CPA5: variants seen among roughly 807,000 people sequenced by gnomAD.
CPA5 encodes carboxypeptidase A5.
In CPA5, 38 loss-of-function variants were observed where a neutral mutation model predicts 52.2. That is an observed-to-expected ratio of 0.73 (90% CI 0.56 to 0.95). The LOEUF is 0.95. Among genes scored for constraint, CPA5 ranks in the 40% least tolerant of loss-of-function variants. CPA5 has a pLI of 0.00. For synonymous variants in CPA5, 198 were observed against 213.7 expected (o/e 0.93, Z 0.64); for missense variants, 519 against 566.7 (o/e 0.92, Z 0.86).
At position 130,367,409 on chromosome 7, in the gene CPA5, T is replaced by C. The variant is rs1796154277; in HGVS notation, c.876T>C (p.Tyr292=). 1 of 1,614,138 alleles carries C rather than the reference T, an allele frequency of 6.2e-7. No individual in the cohort carries two copies. Among genetic ancestry groups the C allele is most frequent in the Non-Finnish European group, 8.5e-7 (1 of 1,180,030 alleles). The change falls in exon 11 of 13, where the codon TAT becomes TAC. Residue 292 remains tyrosine, a synonymous_variant. Transcript: ENST00000474905. ...GSNSNPCSET[Y]HGPSPQSEPE... is the part of the protein sequence containing the mutation. Reference sequence around the variant, plus strand: ...ACAGCAACCCCTGCTCAGAAACTTATCACGGGCCCTCCCCTCAGTCGGAGC... The same window carrying C: ...ACAGCAACCCCTGCTCAGAAACTTACCACGGGCCCTCCCCTCAGTCGGAGC...
At position 130,362,973 on chromosome 7, in the gene CPA5, G is replaced by A; in HGVS notation, c.726G>A (p.Gly242=). The A allele has an allele frequency of 6.2e-7, 1 of 1,612,224 alleles. No individual in the cohort carries two copies. The highest frequency in any genetic ancestry group is 8.5e-7 in the Non-Finnish European group (1 of 1,178,328). The change falls in exon 9 of 13, where the codon GGG becomes GGA. Residue 242 remains glycine, a synonymous_variant. Transcript: ENST00000474905. The part of the protein sequence containing the change: ...IFIELVTNPD[G]FAFTHSMNRL... ...TAGAGCTCGTCACAAACCCTGATGGGTTTGCTTTTACCCACAGCATGGTGA... is the reference window on the plus strand; with the variant it reads ...TAGAGCTCGTCACAAACCCTGATGGATTTGCTTTTACCCACAGCATGGTGA...
chr7:130,363,830 G>T (rs923440933), intron 10 of CPA5, among the ~76,000 whole-genome samples: 1 of 152,102 alleles, frequency 6.6e-6, no homozygotes, highest in Non-Finnish European at 1.5e-5. Context: ...ACTTAAAGGA[G>T]GTACAAAGTA....
chr7:130,359,754 G>C, intron 6 of CPA5, 67 bp downstream of exon 6: 1 of 1,099,400 alleles, frequency 9.1e-7, no homozygotes. Context: ...TCCTGACTCA[G>C]TCAGAAACTA....
chr7:130,354,087 C>A (rs1447148329), intron 5 of CPA5, among the ~76,000 whole-genome samples: 1 of 152,006 alleles, frequency 6.6e-6, no homozygotes, highest in Non-Finnish European at 1.5e-5. Flanking sequence ...GTCACCATAC[C>A]CAGCTAATTT....
intron 5 of CPA5, among the ~76,000 whole-genome samples, chr7:130,350,727 C>T (rs1242418224): frequency 3.9e-5 from 6 of 152,228 alleles, no homozygotes; most frequent in Non-Finnish European, 8.8e-5. Flanking sequence ...TAGCCTTCAT[C>T]CTGGACACCC....
chr7:130,354,577 A>ATTT (rs1795365042), intron 5 of CPA5, among the ~76,000 whole-genome samples: 1 of 151,182 alleles, frequency 6.6e-6, no homozygotes, highest in South Asian at 2.1e-4. Context: ...TATTATTATT[A>ATTT]TTAATTTTTT....
intron 5 of CPA5, among the ~76,000 whole-genome samples, chr7:130,353,753 T>A (rs1795317487): frequency 6.6e-6 from 1 of 152,170 alleles, no homozygotes. Flanking sequence ...GCTTTCTAAC[T>A]GCTCTCCCCC....
chr7:130,354,716 G>T (rs558899637), intron 5 of CPA5, among the ~76,000 whole-genome samples: 9 of 151,948 alleles, frequency 5.9e-5, no homozygotes, highest in Non-Finnish European at 1.3e-4. Context: ...AGGTTTTTTT[G>T]TTTGTTTGTT....
At chr7:130,364,541 T>A (rs1795970170) in intron 10 of CPA5, among the ~76,000 whole-genome samples, 1 of 152,228 alleles carries the variant, frequency 6.6e-6, no homozygotes, top group Non-Finnish European at 1.5e-5. Flanking sequence ...TTCACCATGT[T>A]CCCTCAGCTG....
chr7:130,355,107 T>C (rs1554404881), intron 5 of CPA5, among the ~76,000 whole-genome samples: 1 of 152,130 alleles, frequency 6.6e-6, no homozygotes, highest in Non-Finnish European at 1.5e-5. Flanking sequence ...TTGGGCCCCA[T>C]GAAAGTCAGG....
chr7:130,356,123 C>A (rs1344276080), intron 5 of CPA5, among the ~76,000 whole-genome samples: 2 of 152,120 alleles, frequency 1.3e-5, no homozygotes. Flanking sequence ...TGTCCCAGAG[C>A]CCCCAACCCA....
At chr7:130,351,111 T>C (rs1355981177) in intron 5 of CPA5, among the ~76,000 whole-genome samples, 1 of 152,218 alleles carries the variant, frequency 6.6e-6, no homozygotes, top group Non-Finnish European at 1.5e-5. Flanking sequence ...AGCACAGGGC[T>C]GGGGAACTTT....
intron 5 of CPA5, among the ~76,000 whole-genome samples, chr7:130,352,716 G>A (rs1325268509): frequency 1.3e-5 from 2 of 152,214 alleles, no homozygotes; most frequent in Non-Finnish European, 2.9e-5. Context: ...ACAGGACCAG[G>A]GAGAGACTGA....
intron 5 of CPA5, among the ~76,000 whole-genome samples, chr7:130,351,725 C>T (rs543670980): frequency 5.3e-5 from 8 of 152,114 alleles, no homozygotes; most frequent in African/African-American, 1.4e-4. Flanking sequence ...GCTAACAGGA[C>T]GGGAAGAGCT....
At chr7:130,362,336 C>A in intron 7 of CPA5, 102 bp from the exon 8 acceptor site, 1 of 739,966 alleles carries the variant, frequency 1.4e-6, no homozygotes, top group Admixed American at 2.2e-5. Flanking sequence ...CTTAAAGCTG[C>A]CCCAGGCACT....
intron 4 of CPA5, 27 bp from the exon 5 acceptor site, chr7:130,349,948 G>A (rs1562948611): frequency 4.4e-6 from 7 of 1,605,072 alleles, no homozygotes; most frequent in Non-Finnish European, 5.1e-6. Context: ...GAGTAATGCA[G>A]CTCTCTCTCT....
At chr7:130,345,987 G>A (rs1438760853) in intron 2 of CPA5, 91 bp downstream of exon 2, 1 of 152,332 alleles carries the variant, frequency 6.6e-6, no homozygotes, top group Non-Finnish European at 1.5e-5. Flanking sequence ...TTTTAGACGG[G>A]AAGTGAGCAC....
intron 9 of CPA5, 152 bp from the exon 10 acceptor site, chr7:130,363,267 C>T: frequency 1.5e-6 from 1 of 659,798 alleles, no homozygotes; most frequent in East Asian, 2.7e-5. Flanking sequence ...TTGGCCCAGC[C>T]CCATGCCAGC....
chr7:130,357,231 C>A (rs1280050524), intron 5 of CPA5, among the ~76,000 whole-genome samples: 1 of 152,162 alleles, frequency 6.6e-6, no homozygotes, highest in Non-Finnish European at 1.5e-5. Context: ...AGCAAGCCAA[C>A]TAGGCCTCGG....
Sources: gnomAD v4.1 joint callset for allele counts (sites outside exome capture counted in the v4.1 genomes callset) on GRCh38, gnomAD v4.1.1 for gene constraint, MANE v1.5 for transcripts, NCBI Gene and HGNC (gene_info 2026-07-23, HGNC 2026-07-21) for gene names.